ADGRB3: variants seen among roughly 807,000 people sequenced by gnomAD.
The protein encoded by ADGRB3 is adhesion G protein-coupled receptor B3, also known as brain-specific angiogenesis inhibitor 3.
In ADGRB3, 37 loss-of-function variants were observed where a neutral mutation model predicts 193.4. That is an observed-to-expected ratio of 0.19 (90% confidence interval 0.15 to 0.25). The LOEUF is 0.25. ADGRB3 is among the 10% of genes least tolerant of loss of function. The pLI, the probability that ADGRB3 is intolerant of heterozygous loss-of-function variation, is 1.00. For synonymous variants in ADGRB3, 690 were observed against 644.2 expected, an observed-to-expected ratio of 1.07 and a Z score of -1.08; for missense variants, 1,637 against 1,852.9, an observed-to-expected ratio of 0.88 and a Z score of 2.14.
At position 68,709,315 on chromosome 6, in the gene ADGRB3, C is replaced by T. The variant is rs567730063; in HGVS notation, c.757+69883C>T. On this transcript the variant is annotated intron_variant, in intron 3 of 31. Coordinates refer to ENST00000370598, the MANE Select transcript of ADGRB3 (RefSeq NM_001704.3). The stretch of plus-strand genomic sequence containing the variant: ...GCTGCATACTAATCATATTCTAATG[C>T]ATTTTACAAGAGGTAAAATGTGTAT... Among the ~76,000 whole-genome samples, 3 of 152,222 alleles carry T rather than the reference C, an allele frequency of 2.0e-5. 1 individual carries two copies. The highest frequency in any genetic ancestry group is 6.5e-5 in the Admixed American group (1 of 15,284).
intron 8 of ADGRB3, among the ~76,000 whole-genome samples, chr6:68,973,490 T>C (rs181555367): frequency 8.2e-4 from 125 of 152,354 alleles, no homozygotes; most frequent in Non-Finnish European, 1.2e-3. Context: ...GGAATTGGTA[T>C]CAGTAGAATG....
At chr6:68,944,770 C>T (rs1443980125) in intron 6 of ADGRB3, among the ~76,000 whole-genome samples, 1 of 152,104 alleles carries the variant, frequency 6.6e-6, no homozygotes, top group Non-Finnish European at 1.5e-5. Flanking sequence ...GAAGAAAATA[C>T]ACACACATAG....
chr6:69,131,079 T>C (rs564340954), intron 17 of ADGRB3, among the ~76,000 whole-genome samples: 2 of 152,206 alleles, frequency 1.3e-5, no homozygotes, highest in South Asian at 4.1e-4. Context: ...TGTTGGAATA[T>C]AGCCATTAAT....
intron 20 of ADGRB3, among the ~76,000 whole-genome samples, chr6:69,261,662 C>T (rs1766931823): frequency 6.6e-6 from 1 of 151,950 alleles, no homozygotes; most frequent in Non-Finnish European, 1.5e-5. Flanking sequence ...ATCTTCTAAA[C>T]TATTTTGTGC....
chr6:69,319,509 T>G (rs1312896132), intron 20 of ADGRB3, among the ~76,000 whole-genome samples: 1 of 151,348 alleles, frequency 6.6e-6, no homozygotes, highest in Non-Finnish European at 1.5e-5. Flanking sequence ...TTCCTCCATT[T>G]TTGGTTACTT....
chr6:69,273,689 C>T (rs573702933), intron 20 of ADGRB3, among the ~76,000 whole-genome samples: 3 of 152,298 alleles, frequency 2.0e-5, no homozygotes, highest in Non-Finnish European at 2.9e-5. Context: ...TTGTGTGCCT[C>T]CGTAAAACCA....
chr6:69,127,013 G>A (rs1224312147), intron 17 of ADGRB3, among the ~76,000 whole-genome samples: 1 of 152,208 alleles, frequency 6.6e-6, no homozygotes, highest in Non-Finnish European at 1.5e-5. Flanking sequence ...TTGAGATTGG[G>A]TTGGAAGCTG....
At chr6:68,733,705 T>C (rs898074394) in intron 3 of ADGRB3, among the ~76,000 whole-genome samples, 2 of 150,720 alleles carry the variant, frequency 1.3e-5, no homozygotes, top group African/African-American at 5.0e-5. Flanking sequence ...GGTACAAAAA[T>C]AGAAAGAGTG....
chr6:69,244,517 T>C (rs1389737280), intron 20 of ADGRB3, among the ~76,000 whole-genome samples: 3 of 152,100 alleles, frequency 2.0e-5, no homozygotes, highest in Admixed American at 6.6e-5. Context: ...TAAATATCTA[T>C]GTGTTTTCGA....
intron 13 of ADGRB3, among the ~76,000 whole-genome samples, chr6:69,046,439 C>A (rs1224875783): frequency 6.6e-6 from 1 of 152,090 alleles, no homozygotes; most frequent in Non-Finnish European, 1.5e-5. Flanking sequence ...TTGGACCCTG[C>A]AGGAGAGATG....
chr6:68,649,144 A>G (rs889160441), intron 3 of ADGRB3, among the ~76,000 whole-genome samples: 52 of 152,282 alleles, frequency 3.4e-4, no homozygotes, highest in Non-Finnish European at 5.4e-4. Context: ...AAAGAATTTC[A>G]GAGCTATAAA....
In ADGRB3 at chr6:68,941,128, G is replaced by A. The variant is rs369780879; in HGVS notation, c.1031-2702G>A. Among the ~76,000 whole-genome samples the A allele has an allele frequency of 8.5e-5, 13 of 152,094 alleles. No individual in the cohort carries two copies. In the East Asian group the frequency reaches 2.1e-3, roughly 25 times the overall value. On this transcript the variant is annotated intron_variant, in intron 5 of 31. Coordinates refer to ENST00000370598, the MANE Select transcript of ADGRB3 (RefSeq NM_001704.3). ...CATTTAAATATATTGGTTTTATTAG[G>A]ATCATTTTAAATGAACTAGACCATT... is the stretch of plus-strand genomic sequence containing the variant.
intron 8 of ADGRB3, among the ~76,000 whole-genome samples, chr6:68,966,810 G>A (rs1430966200): frequency 2.0e-5 from 3 of 152,152 alleles, no homozygotes; most frequent in African/African-American, 7.2e-5. Flanking sequence ...GGGATATGCT[G>A]GGTGCCCAGT....
At chr6:69,257,378 A>G (rs1766802883) in intron 20 of ADGRB3, among the ~76,000 whole-genome samples, 1 of 152,166 alleles carries the variant, frequency 6.6e-6, no homozygotes, top group Non-Finnish European at 1.5e-5. Context: ...CCACAATTTC[A>G]GAGCCTGTTA....
intron 29 of ADGRB3, among the ~76,000 whole-genome samples, chr6:69,365,330 G>A (rs1030731807): frequency 1.3e-5 from 2 of 152,004 alleles, no homozygotes; most frequent in Admixed American, 6.6e-5. Flanking sequence ...GTCTGGTGTA[G>A]TTCCCACAGT....
At chr6:69,062,505 T>G (rs1331688424) in intron 15 of ADGRB3, among the ~76,000 whole-genome samples, 7 of 151,938 alleles carry the variant, frequency 4.6e-5, no homozygotes, top group Non-Finnish European at 8.8e-5. Flanking sequence ...GTAATGTGTT[T>G]TGGGATAATC....
chr6:69,144,064 A>G (rs1774415865), intron 17 of ADGRB3, among the ~76,000 whole-genome samples: 1 of 151,962 alleles, frequency 6.6e-6, no homozygotes, highest in African/African-American at 2.4e-5. Context: ...TCCTTCATCA[A>G]TGTTTTATAG....
chr6:68,975,369 C>A, intron 10 of ADGRB3, 29 bp downstream of exon 10: 2 of 1,545,736 alleles, frequency 1.3e-6, no homozygotes, highest in Non-Finnish European at 1.8e-6. Flanking sequence ...TTAGTACTTG[C>A]TCTGTTTATT....
intron 3 of ADGRB3, among the ~76,000 whole-genome samples, chr6:68,811,664 T>C (rs1767514873): frequency 6.6e-6 from 1 of 152,106 alleles, no homozygotes; most frequent in Non-Finnish European, 1.5e-5. Flanking sequence ...GAGACAGGGT[T>C]TCACCATGTT....
Sources: gnomAD v4.1 joint callset for allele counts (sites outside exome capture counted in the v4.1 genomes callset) on GRCh38, gnomAD v4.1.1 for gene constraint, MANE v1.5 for transcripts, NCBI Gene and HGNC (gene_info 2026-07-23, HGNC 2026-07-21) for gene names.